The following NTAN1 variants were observed in gnomAD, a reference collection of about 807,000 sequenced individuals.
NTAN1 encodes N-terminal asparagine amidase, also known as protein N-terminal asparagine amidohydrolase.
NTAN1 carries 32 observed loss-of-function variants against 41.9 expected under a neutral mutation model. The observed-to-expected ratio is 0.76, with a 90% CI of 0.58 to 1.03. The LOEUF (loss-of-function observed/expected upper bound fraction) is 1.03, where lower values mean the gene tolerates loss of function less well. Among genes scored for constraint, NTAN1 ranks in the 50% least tolerant of loss-of-function variants. The pLI is 0.00. For missense variants in NTAN1, 377 were observed against 377.5 expected, an observed-to-expected ratio of 1.00 and a Z score of 0.01; for synonymous variants, 140 against 139.5, an observed-to-expected ratio of 1.00 and a Z score of -0.03.
chr16:15,044,310 GA>G, intron 5 of NTAN1, 23 bp downstream of exon 5: 1 of 1,555,360 alleles, frequency 6.4e-7, no homozygotes. Context: ...CAATTTGGGG[GA>G]AAGAAAAAAA....
chr16:15,049,952 T>C (rs940073957), intron 1 of NTAN1, among the ~76,000 whole-genome samples: 5 of 152,186 alleles, frequency 3.3e-5, no homozygotes, highest in Non-Finnish European at 5.9e-5. Flanking sequence ...CTTATACCCA[T>C]AGAGAAAAAT....
chr16:15,047,088 G>C (rs1173677221), intron 4 of NTAN1: 1 of 289,402 alleles, frequency 3.5e-6, no homozygotes, highest in Non-Finnish European at 6.6e-6. Context: ...GTAGGTGAGA[G>C]GAAGCATTTA....
At chr16:15,054,488 G>C (rs372800660) in intron 1 of NTAN1, among the ~76,000 whole-genome samples, 2 of 152,122 alleles carry the variant, frequency 1.3e-5, no homozygotes, top group African/African-American at 4.8e-5. Flanking sequence ...ATTTTTCCTT[G>C]GTGAGTCCTA....
intron 1 of NTAN1, among the ~76,000 whole-genome samples, chr16:15,053,928 CA>C (rs1400472050): frequency 3.3e-5 from 5 of 149,336 alleles, no homozygotes; most frequent in South Asian, 4.1e-4. Flanking sequence ...ACCAACCAAC[CA>C]AACAAACAAA....
intron 4 of NTAN1, 126 bp from the exon 5 acceptor site, chr16:15,044,533 C>A: frequency 2.9e-6 from 2 of 688,408 alleles, no homozygotes; most frequent in Non-Finnish European, 5.2e-6. Flanking sequence ...AGGTCATCTT[C>A]GTGCCACCGC....
chr16:15,038,384 C>CACATTTCCATCTAGGACTTG, intron 9 of NTAN1, 174 bp from the exon 10 acceptor site: 1 of 618,416 alleles, frequency 1.6e-6, no homozygotes, highest in Admixed American at 3.2e-5. Flanking sequence ...TTTACCCACA[C>CACATTTCCATCTAGGACTTG]ACATTTCCAT....
At chr16:15,038,504 C>G (rs529965268) in intron 9 of NTAN1, 70 bp downstream of exon 9, 3 of 907,812 alleles carry the variant, frequency 3.3e-6, no homozygotes, top group Non-Finnish European at 5.3e-6. Flanking sequence ...TGGTCTAAAC[C>G]CTTTTTTTCT....
intron 7 of NTAN1, 52 bp downstream of exon 7, chr16:15,041,016 T>C (rs2043791118): frequency 2.4e-6 from 3 of 1,253,688 alleles, no homozygotes; most frequent in Non-Finnish European, 3.5e-6. Flanking sequence ...AATTAGACTT[T>C]AACTGCACAT....
intron 1 of NTAN1, among the ~76,000 whole-genome samples, chr16:15,050,848 G>A (rs909615876): frequency 6.6e-6 from 1 of 152,120 alleles, no homozygotes; most frequent in Admixed American, 6.5e-5. Flanking sequence ...TGGAAGCAAG[G>A]TATCAATGAA....
At chr16:15,041,216 T>C (rs1440048496) in intron 6 of NTAN1, 95 bp from the exon 7 acceptor site, 3 of 800,136 alleles carry the variant, frequency 3.7e-6, no homozygotes, top group South Asian at 2.8e-5. Flanking sequence ...AGCTCCTCGA[T>C]GCAGAAAGGG....
At chr16:15,047,261 C>G (rs1436663974) in intron 4 of NTAN1, 181 bp downstream of exon 4, 5 of 600,530 alleles carry the variant, frequency 8.3e-6, no homozygotes, top group Non-Finnish European at 1.5e-5. Flanking sequence ...TGCCCAGCAC[C>G]CACTCATTCA....
At chr16:15,039,237 C>T (rs770272784) in intron 8 of NTAN1, among the ~76,000 whole-genome samples, 1 of 152,184 alleles carries the variant, frequency 6.6e-6, no homozygotes. Flanking sequence ...GAAATATGTT[C>T]TGAATATCAA....
intron 5 of NTAN1, among the ~76,000 whole-genome samples, chr16:15,042,112 T>G (rs1181665795): frequency 1.3e-5 from 2 of 152,064 alleles, no homozygotes; most frequent in Non-Finnish European, 2.9e-5. Flanking sequence ...ATCCTAACAC[T>G]GTTAATAATT....
At chr16:15,047,756 G>A (rs974315257) in intron 3 of NTAN1, 99 bp downstream of exon 3, 9 of 1,086,954 alleles carry the variant, frequency 8.3e-6, no homozygotes, top group East Asian at 2.4e-5. Flanking sequence ...AGCGGAGTCC[G>A]CTTCCAACAA....
intron 4 of NTAN1, chr16:15,046,113 G>T (rs937447595): frequency 6.6e-6 from 1 of 152,226 alleles, no homozygotes; most frequent in African/African-American, 2.4e-5. Flanking sequence ...CCCCCTGCGG[G>T]GGCCAAGATG....
intron 1 of NTAN1, 106 bp from the exon 2 acceptor site, chr16:15,048,205 T>C (rs1027237321): frequency 1.1e-5 from 8 of 712,310 alleles, no homozygotes; most frequent in East Asian, 5.3e-5. Context: ...AGCACGCTAG[T>C]GTGTGGGGAG....
At chr16:15,047,285 G>A (rs555107612) in intron 4 of NTAN1, 157 bp downstream of exon 4, 7 of 623,532 alleles carry the variant, frequency 1.1e-5, no homozygotes, top group Admixed American at 5.2e-5. Context: ...AACCACTGCT[G>A]ACGCAGTGCC....
chr16:15,039,488 G>C (rs2151684852), intron 8 of NTAN1, among the ~76,000 whole-genome samples: 1 of 152,228 alleles, frequency 6.6e-6, no homozygotes, highest in Middle Eastern at 3.4e-3. Flanking sequence ...TAAAATTACA[G>C]TGTAATTTAA....
chr16:15,051,423 G>C (rs1204096887), intron 1 of NTAN1, among the ~76,000 whole-genome samples: 2 of 152,224 alleles, frequency 1.3e-5, no homozygotes, highest in African/African-American at 4.8e-5. Flanking sequence ...CGAGATCGTG[G>C]CTCACTGCAG....
Sources: gnomAD v4.1 joint callset for allele counts (sites outside exome capture counted in the v4.1 genomes callset) on GRCh38, gnomAD v4.1.1 for gene constraint, MANE v1.5 for transcripts, NCBI Gene and HGNC (gene_info 2026-07-23, HGNC 2026-07-21) for gene names.